Variants in CSMD1 observed in about 807,000 individuals in gnomAD.
CSMD1 encodes CUB and sushi domain-containing protein 1.
In CSMD1, 213 loss-of-function variants were observed where a neutral mutation model predicts 417.5. That is an observed-to-expected ratio of 0.51 (90% CI 0.46 to 0.57). CSMD1 has a LOEUF of 0.57. Among genes scored for constraint, CSMD1 ranks in the 20% least tolerant of loss-of-function variants. The pLI is 0.00. For missense variants in CSMD1, 6,923 were observed against 4,529.7 expected (o/e 1.53, Z -15.17); for synonymous variants, 2,862 against 1,736.8 (o/e 1.65, Z -16.11).
At chr8:3,304,902 G>A (rs1303485207) in intron 25 of CSMD1, among the ~76,000 whole-genome samples, 1 of 152,006 alleles carries the variant, frequency 6.6e-6, no homozygotes, top group Non-Finnish European at 1.5e-5. Flanking sequence ...TCTTCTAAAA[G>A]AAGATAAATT....
At chr8:4,139,949 C>G (rs1449640372) in intron 3 of CSMD1, among the ~76,000 whole-genome samples, 1 of 144,704 alleles carries the variant, frequency 6.9e-6, no homozygotes, top group Admixed American at 7.1e-5. Flanking sequence ...TGGATGGCAG[C>G]AAGGGCAGGT....
chr8:4,020,587 A>C (rs11994492), intron 4 of CSMD1, among the ~76,000 whole-genome samples: 1 of 152,024 alleles, frequency 6.6e-6, no homozygotes, highest in Non-Finnish European at 1.5e-5. Context: ...AAGGCCTCCA[A>C]TTCTCTTATG....
intron 1 of CSMD1, among the ~76,000 whole-genome samples, chr8:4,690,614 T>C (rs1464956293): frequency 6.6e-6 from 1 of 152,218 alleles, no homozygotes; most frequent in African/African-American, 2.4e-5. Context: ...TGTTCCTCAG[T>C]CATGTGAATA....
intron 2 of CSMD1, among the ~76,000 whole-genome samples, chr8:4,596,017 G>C (rs997083251): frequency 1.3e-5 from 2 of 152,164 alleles, no homozygotes; most frequent in East Asian, 1.9e-4. Context: ...TCCACCACTT[G>C]AACACTCCCT....
At chr8:4,636,924 T>C (rs1802848956) in intron 2 of CSMD1, among the ~76,000 whole-genome samples, 2 of 151,982 alleles carry the variant, frequency 1.3e-5, no homozygotes, top group African/African-American at 4.8e-5. Flanking sequence ...CAGCGCTCTG[T>C]AAAATGCACC....
chr8:4,133,010 T>G (rs908826157), intron 3 of CSMD1, among the ~76,000 whole-genome samples: 3 of 152,198 alleles, frequency 2.0e-5, no homozygotes, highest in African/African-American at 7.2e-5. Context: ...CTCGGCTCAC[T>G]GCAACCTCCG....
At chr8:4,566,561 G>A (rs192098176) in intron 2 of CSMD1, among the ~76,000 whole-genome samples, 1 of 150,678 alleles carries the variant, frequency 6.6e-6, no homozygotes, top group African/African-American at 2.5e-5. Context: ...GCTGAGGCAG[G>A]AGAGTGGCGT....
intron 69 of CSMD1, 92 bp from the exon 70 acceptor site, chr8:2,938,836 C>T (rs2128911262): frequency 8.7e-7 from 1 of 1,151,218 alleles, no homozygotes; most frequent in Non-Finnish European, 1.2e-6. Flanking sequence ...GTCTACAGAG[C>T]AGGGAGCAGT....
rs1429869105 is a variant in CSMD1 at position 3,128,756 on chromosome 8, T to C, written c.6242-10169A>G. ...ATTATTTATTTTTATATCTCAGTGA[T>C]AGGAAATTAATGGCGTACAATAAAA... On this transcript the variant is annotated intron_variant, in intron 41 of 69. Coordinates refer to ENST00000635120, the MANE Select transcript of CSMD1 (RefSeq NM_033225.6). 1.2e-5 allele frequency: 5 copies of C among 408,682 alleles called. No individual in the cohort carries two copies. In the East Asian group the frequency reaches 2.8e-4, roughly 23 times the overall value. The allele number at this position is 408,682 out of a possible 1,614,324, so 25.3% of individuals were successfully genotyped here.
intron 18 of CSMD1, chr8:3,373,461 A>G (rs1461838705): frequency 1.3e-5 from 2 of 152,242 alleles, no homozygotes; most frequent in African/African-American, 4.8e-5. Context: ...ACATAAAAGT[A>G]ATTCTGTCCA....
intron 3 of CSMD1, among the ~76,000 whole-genome samples, chr8:4,416,426 A>T (rs57505748): frequency 0.032 from 4,795 of 152,190 alleles, 136 homozygotes; most frequent in African/African-American, 0.078. Flanking sequence ...GATTTCCCAA[A>T]TATTTTAGAA....
At chr8:3,945,680 A>C (rs954614328) in intron 5 of CSMD1, among the ~76,000 whole-genome samples, 1 of 152,150 alleles carries the variant, frequency 6.6e-6, no homozygotes, top group Non-Finnish European at 1.5e-5. Context: ...AAATGACGAC[A>C]GTCCAGATAG....
intron 25 of CSMD1, among the ~76,000 whole-genome samples, chr8:3,288,235 G>C (rs1331891990): frequency 6.8e-6 from 1 of 147,280 alleles, no homozygotes; most frequent in African/African-American, 2.7e-5. Context: ...TTGCATCGAT[G>C]TTCATCAGGG....
intron 3 of CSMD1, among the ~76,000 whole-genome samples, chr8:4,151,097 C>G (rs1265704338): frequency 2.6e-5 from 4 of 152,134 alleles, no homozygotes; most frequent in African/African-American, 9.7e-5. Flanking sequence ...CAACTTGCAT[C>G]CTTCTCCCAG....
intron 1 of CSMD1, among the ~76,000 whole-genome samples, chr8:4,680,975 T>TGTGTGAGAGA (rs767579851): frequency 2.2e-5 from 3 of 136,682 alleles, no homozygotes; most frequent in African/African-American, 8.4e-5. Flanking sequence ...TGTGTGTGTG[T>TGTGTGAGAGA]GAGAGAGAGA....
intron 5 of CSMD1, among the ~76,000 whole-genome samples, chr8:3,774,138 T>G (rs1271130196): frequency 6.6e-6 from 1 of 152,182 alleles, no homozygotes; most frequent in East Asian, 1.9e-4. Flanking sequence ...GAGCATAAAT[T>G]TACGCTGCAC....
chr8:3,416,954 T>C (rs1242056432), intron 12 of CSMD1, among the ~76,000 whole-genome samples: 1 of 152,252 alleles, frequency 6.6e-6, no homozygotes, highest in Non-Finnish European at 1.5e-5. Flanking sequence ...GTCATGTATA[T>C]GAACAGCAAT....
At chr8:2,964,792 T>C (rs1256773964) in intron 59 of CSMD1, among the ~76,000 whole-genome samples, 1 of 152,110 alleles carries the variant, frequency 6.6e-6, no homozygotes, top group Non-Finnish European at 1.5e-5. Flanking sequence ...AGCAGGATGG[T>C]CCAAGAACAC....
intron 3 of CSMD1, among the ~76,000 whole-genome samples, chr8:4,107,988 A>T (rs1801653867): frequency 6.6e-6 from 1 of 151,892 alleles, no homozygotes; most frequent in Non-Finnish European, 1.5e-5. Context: ...GAGCTTAGAG[A>T]AGTAGAAAGT....
Sources: gnomAD v4.1 joint callset for allele counts (sites outside exome capture counted in the v4.1 genomes callset) on GRCh38, gnomAD v4.1.1 for gene constraint, MANE v1.5 for transcripts, NCBI Gene and HGNC (gene_info 2026-07-23, HGNC 2026-07-21) for gene names.